Variants in JOSD1 observed in about 807,000 individuals in gnomAD.
The protein encoded by JOSD1 is Josephin domain containing 1.
In JOSD1, 11 loss-of-function variants were observed where a neutral mutation model predicts 24.3. The observed-to-expected ratio is 0.45, with a 90% confidence interval of 0.29 to 0.75. The LOEUF (loss-of-function observed/expected upper bound fraction) is 0.75. JOSD1 is among the 30% of genes least tolerant of loss of function. JOSD1 has a pLI of 0.11. For missense variants in JOSD1, 184 were observed against 253.5 expected, an observed-to-expected ratio of 0.73 and a Z score of 1.86; for synonymous variants, 106 against 93.8, an observed-to-expected ratio of 1.13 and a Z score of -0.75.
At chr22:38,688,724 C>G (rs1336787757) in intron 4 of JOSD1, among the ~76,000 whole-genome samples, 1 of 152,168 alleles carries the variant, frequency 6.6e-6, no homozygotes, top group Non-Finnish European at 1.5e-5. Flanking sequence ...GTATCCCAGG[C>G]TGGGCATCTT....
chr22:38,699,098 G>A (rs1482233596), intron 2 of JOSD1, among the ~76,000 whole-genome samples: 1 of 152,214 alleles, frequency 6.6e-6, no homozygotes, highest in Non-Finnish European at 1.5e-5. Context: ...AAGTGGGTAA[G>A]AAAGGCCATC....
chr22:38,700,678 G>T, intron 1 of JOSD1, 60 bp from the exon 2 acceptor site: 1 of 977,636 alleles, frequency 1.0e-6, no homozygotes. Flanking sequence ...GAGCGGCGGG[G>T]CCGGCCCCTG....
Position 38,687,651 on chromosome 22 carries a change from C to T in JOSD1, c.*251G>A. On this transcript the variant is annotated 3_prime_UTR_variant, in exon 5 of 5. Transcript: ENST00000683374. ...CTCCCCGCTCCACTTTCTCCTCTGTCTCTTAAATAAAACAAGGGTTTGTGA... is the reference window on the plus strand; with the variant it reads ...CTCCCCGCTCCACTTTCTCCTCTGTTTCTTAAATAAAACAAGGGTTTGTGA... 2.2e-6 allele frequency: 1 copy of T among 455,974 alleles called. No individual in the cohort carries two copies. Among genetic ancestry groups the T allele is most frequent in the Non-Finnish European group, 3.9e-6 (1 of 258,798 alleles). The allele number at this position is 455,974 out of a possible 1,614,324, so 28.2% of individuals were successfully genotyped here. A position where few individuals can be genotyped will look rare whatever the true frequency, so the allele number is the denominator to read the frequency against.
chr22:38,692,781 CAAAAAAAAAAAAAA>C (rs61214432), intron 2 of JOSD1, among the ~76,000 whole-genome samples: 3 of 45,018 alleles, frequency 6.7e-5, no homozygotes, highest in East Asian at 6.5e-4. Context: ...AACTCTGTCT[CAAAAAAAAAAAAAA>C]AAAAAAAAAA....
rs906127374 is a variant in JOSD1 at position 38,700,629 on chromosome 22, G to A, written c.-631-11C>T. On this transcript the variant is annotated splice_polypyrimidine_tract_variant and intron_variant, in intron 1 of 4. Coordinates refer to ENST00000683374, the MANE Select transcript of JOSD1 (RefSeq NM_001360236.2). ...CCTCTGGCCGCGGCCCTGCGGAGGA[G>A]GAGACAACTCCGGTCAGCGGCGAGC... is the stretch of plus-strand genomic sequence containing the variant. 1 of 984,862 alleles carries A rather than the reference G, an allele frequency of 1.0e-6. No individual in the cohort carries two copies. The highest frequency in any genetic ancestry group is 1.2e-6 in the Non-Finnish European group (1 of 829,450). The allele number at this position is 984,862 out of a possible 1,614,324, so 61.0% of individuals were successfully genotyped here. A position where few individuals can be genotyped will look rare whatever the true frequency, so the allele number is the denominator to read the frequency against.
chr22:38,700,300 C>T lies in JOSD1; in HGVS notation c.-313G>A. 9.6e-7 allele frequency: 1 copy of T among 1,039,114 alleles called. No individual in the cohort carries two copies. Among genetic ancestry groups the T allele is most frequent in the South Asian group, 3.7e-5 (1 of 26,848 alleles). 64.4% of individuals were successfully genotyped at this position (1,039,114 alleles called of 1,614,324 possible). On this transcript the variant is annotated 5_prime_UTR_variant, in exon 2 of 5. Transcript: ENST00000683374. ...CGTTTCCCCACCCTTCCCTCCCACCCCCCTCCAAAATCCCCACGATTTTCT... is the reference window on the plus strand; with the variant it reads ...CGTTTCCCCACCCTTCCCTCCCACCTCCCTCCAAAATCCCCACGATTTTCT...
chr22:38,688,377 C>T (rs2092507269), intron 4 of JOSD1, among the ~76,000 whole-genome samples: 1 of 152,188 alleles, frequency 6.6e-6, no homozygotes, highest in African/African-American at 2.4e-5. Context: ...ATTCTCCTGC[C>T]TCAGCCTCCT....
chr22:38,700,762 G>C (rs1393034701), intron 1 of JOSD1, 38 bp downstream of exon 1: 2 of 984,580 alleles, frequency 2.0e-6, no homozygotes, highest in Non-Finnish European at 2.4e-6. Context: ...TCGCGCTCCC[G>C]GGCCCGCGCC....
At position 38,700,289 on chromosome 22, in the gene JOSD1, T is replaced by TGCG; in HGVS notation, c.-303_-302insCGC. 1.1e-6 allele frequency: 1 copy of TGCG among 894,458 alleles called. No individual in the cohort carries two copies. The highest frequency in any genetic ancestry group is 1.4e-6 in the Non-Finnish European group (1 of 733,828). 55.4% of individuals were successfully genotyped at this position (894,458 alleles called of 1,614,324 possible). ...GACCTTGTTTCCGTTTCCCCACCCT[T>TGCG]CCCTCCCACCCCCCTCCAAAATCCC... On this transcript the variant is annotated 5_prime_UTR_variant, in exon 2 of 5. Coordinates refer to ENST00000683374, the MANE Select transcript of JOSD1 (RefSeq NM_001360236.2).
chr22:38,687,665 A>G lies in JOSD1; in HGVS notation c.*237T>C, dbSNP rs2092503739. On this transcript the variant is annotated 3_prime_UTR_variant, in exon 5 of 5. Coordinates refer to ENST00000683374, the MANE Select transcript of JOSD1 (RefSeq NM_001360236.2). ...TTCTCCTCTGTCTCTTAAATAAAAC[A>G]AGGGTTTGTGACCACTGGCCTTAAG... 8.4e-6 allele frequency: 4 copies of G among 474,894 alleles called. No homozygotes were observed. Among genetic ancestry groups the G allele is most frequent in the African/African-American group, 4.0e-5 (2 of 50,372 alleles). 29.4% of individuals were successfully genotyped at this position (474,894 alleles called of 1,614,324 possible). A position where few individuals can be genotyped will look rare whatever the true frequency, so the allele number is the denominator to read the frequency against.
chr22:38,700,973 C>T (rs1030165355), upstream of JOSD1: 3 of 984,966 alleles, frequency 3.0e-6, no homozygotes, highest in Middle Eastern at 5.2e-4. Context: ...CACCTGAGCC[C>T]GACGTCAGCG....
intron 2 of JOSD1, among the ~76,000 whole-genome samples, chr22:38,692,093 C>T (rs769662080): frequency 6.6e-6 from 1 of 152,230 alleles, no homozygotes; most frequent in Non-Finnish European, 1.5e-5. Flanking sequence ...TGCAACCAAA[C>T]TTTATCTTAC....
rs540458324 is a variant in JOSD1, at chr22:38,695,008, G to A, written c.185+4795C>T. Among the ~76,000 whole-genome samples the A allele has an allele frequency of 2.6e-5, 4 of 152,252 alleles. 1 individual carries two copies. The South Asian group carries it at 8.3e-4, about 32-fold the overall frequency. ...GATGATTTTGGATATTAATGAAAAAGGAGATAGGAGACATTTCATCAAGAT... is the reference window on the plus strand; with the variant it reads ...GATGATTTTGGATATTAATGAAAAAAGAGATAGGAGACATTTCATCAAGAT... On this transcript the variant is annotated intron_variant, in intron 2 of 4. Transcript: ENST00000683374.
intron 2 of JOSD1, 105 bp downstream of exon 2, chr22:38,699,698 T>G: frequency 9.2e-7 from 1 of 1,088,942 alleles, no homozygotes; most frequent in South Asian, 1.3e-5. Context: ...TAACGCAATC[T>G]AGCTAATACC....
chr22:38,693,315 A>G (rs1569264928), intron 2 of JOSD1, among the ~76,000 whole-genome samples: 3 of 151,952 alleles, frequency 2.0e-5, no homozygotes, highest in Admixed American at 1.3e-4. Context: ...TTACCACTCC[A>G]TCTCTCTCCT....
chr22:38,695,201 G>C (rs1014669952), intron 2 of JOSD1, among the ~76,000 whole-genome samples: 1 of 152,136 alleles, frequency 6.6e-6, no homozygotes, highest in Non-Finnish European at 1.5e-5. Context: ...TGTTTGCCTA[G>C]CCCTTGGACA....
Position 38,700,916 on chromosome 22 carries a change from C to G in JOSD1, c.-748G>C, listed in dbSNP as rs966328480. On this transcript the variant is annotated 5_prime_UTR_variant, in exon 1 of 5. Transcript: ENST00000683374. ...GCGGTCCCCTCACCGCAGCCGGCCG[C>G]CACCTGGAGTGCGCGCCGCCAACTG... 1 of 984,622 alleles carries G rather than the reference C, an allele frequency of 1.0e-6. No homozygotes were observed. The highest frequency in any genetic ancestry group is 1.1e-4 in the East Asian group (1 of 8,802). The allele number at this position is 984,622 out of a possible 1,614,324, so 61.0% of individuals were successfully genotyped here. A position where few individuals can be genotyped will look rare whatever the true frequency, so the allele number is the denominator to read the frequency against.
At chr22:38,692,435 T>C (rs1012655417) in intron 2 of JOSD1, among the ~76,000 whole-genome samples, 2 of 151,970 alleles carry the variant, frequency 1.3e-5, no homozygotes, top group African/African-American at 2.4e-5. Flanking sequence ...GGATGAAACA[T>C]AGCTTAAAAA....
At chr22:38,692,343 T>G (rs1244559143) in intron 2 of JOSD1, among the ~76,000 whole-genome samples, 1 of 152,130 alleles carries the variant, frequency 6.6e-6, no homozygotes, top group African/African-American at 2.4e-5. Flanking sequence ...GCTTGCTGTC[T>G]TACAGCAAGG....
Sources: gnomAD v4.1 joint callset for allele counts (sites outside exome capture counted in the v4.1 genomes callset) on GRCh38, gnomAD v4.1.1 for gene constraint, MANE v1.5 for transcripts, NCBI Gene and HGNC (gene_info 2026-07-23, HGNC 2026-07-21) for gene names.